DHRS4L2: variants seen among roughly 807,000 people sequenced by gnomAD.
DHRS4L2 encodes dehydrogenase/reductase 4 like 2.
In DHRS4L2, 22 loss-of-function variants were observed where a neutral mutation model predicts 23.9. That is an observed-to-expected ratio of 0.92 (90% CI 0.66 to 1.31). DHRS4L2 has a LOEUF of 1.31. DHRS4L2 is among the 40% of genes most tolerant of loss of function. DHRS4L2 has a pLI of 0.00. For missense variants in DHRS4L2, 385 were observed against 303.3 expected, an observed-to-expected ratio of 1.27 and a Z score of -2.00; for synonymous variants, 141 against 123.7, an observed-to-expected ratio of 1.14 and a Z score of -0.93.
intron 7 of DHRS4L2, 117 bp downstream of exon 7, chr14:24,004,509 C>G: frequency 7.9e-7 from 1 of 1,259,582 alleles, no homozygotes; most frequent in Non-Finnish European, 1.1e-6. Context: ...CTCTCTTCTG[C>G]CTCACAGACC....
rs749614585 is a variant in DHRS4L2, at chr14:24,001,449, G to T, written c.597G>T (p.Glu199Asp). ...GCCTCAACAATACCCTGGCCATAGAGCTGGCCCCAAGGAACATTAGGGTGA... is the reference window on the plus strand; with the variant it reads ...GCCTCAACAATACCCTGGCCATAGATCTGGCCCCAAGGAACATTAGGGTGA... ...LLGLNNTLAI[E>D]LAPRNIRVNC... The change falls in exon 6 of 8, where the codon GAG becomes GAT. Residue 199 changes from glutamate (E) to aspartate (D), a missense_variant. Coordinates refer to ENST00000335125, the MANE Select transcript of DHRS4L2 (RefSeq NM_198083.4). 8.7e-6 allele frequency: 14 copies of T among 1,606,852 alleles called. No homozygotes were observed. The highest frequency in any genetic ancestry group is 1.0e-5 in the Non-Finnish European group (12 of 1,179,264).
exon 1 of DHRS4L2, chr14:23,969,939 G>C (rs1002621028): frequency 3.1e-5 from 14 of 452,304 alleles, no homozygotes; most frequent in Admixed American, 2.8e-4. Context: ...GTGGGGGGAG[G>C]GGCGCTCACG....
chr14:23,974,727 T>A (rs2033933511), intron 1 of DHRS4L2, among the ~76,000 whole-genome samples: 1 of 151,904 alleles, frequency 6.6e-6, no homozygotes, highest in South Asian at 2.1e-4. Flanking sequence ...AATAGACCAA[T>A]AACAGCTTCT....
chr14:23,985,463 A>G (rs768992196), upstream of DHRS4L2, among the ~76,000 whole-genome samples: 2 of 151,530 alleles, frequency 1.3e-5, no homozygotes, highest in Non-Finnish European at 2.9e-5. Context: ...GCATGACTCA[A>G]CAGTGAATCT....
intron 1 of DHRS4L2, among the ~76,000 whole-genome samples, chr14:23,983,639 C>T (rs1232885195): frequency 2.6e-5 from 4 of 151,690 alleles, no homozygotes; most frequent in Admixed American, 2.0e-4. Context: ...CCCAAATGCC[C>T]ATCAATGATA....
intron 1 of DHRS4L2, among the ~76,000 whole-genome samples, chr14:23,974,555 C>G (rs1185339929): frequency 3.3e-5 from 5 of 151,628 alleles, no homozygotes; most frequent in East Asian, 1.9e-4. Flanking sequence ...AATAAAAAAT[C>G]ATAAAGGGGA....
At chr14:23,984,276 T>C (rs1364480118), upstream of DHRS4L2, among the ~76,000 whole-genome samples, 1 of 151,700 alleles carries the variant, frequency 6.6e-6, no homozygotes, top group African/African-American at 2.4e-5. Flanking sequence ...TCACATAACT[T>C]TCTTTCCCTT....
At chr14:23,999,147 G>A (rs1159271032) in intron 3 of DHRS4L2, among the ~76,000 whole-genome samples, 1 of 144,690 alleles carries the variant, frequency 6.9e-6, no homozygotes, top group Non-Finnish European at 1.5e-5. Flanking sequence ...TTCTGGGTGT[G>A]GTTTGTGGTA....
rs61729875 is a variant in DHRS4L2 at position 23,990,266 on chromosome 14, G to T, written c.213G>T (p.Gln71His). ...VSSRKQQNVD[Q>H]AVATLQGEGL... ...GCCGGAAGCAGCAGAATGTGGACCA[G>T]GCGGTGGCCACGCTGCAGGGGGAGG... The change falls in exon 2 of 8, where the codon CAG becomes CAT. Residue 71 changes from glutamine to histidine, a missense_variant. Coordinates refer to ENST00000335125, the MANE Select transcript of DHRS4L2 (RefSeq NM_198083.4). 4,756 of 1,612,732 alleles carry T rather than the reference G, an allele frequency of 2.9e-3. 185 individuals are homozygous for T. The African/African-American group carries it at 0.057, about 19-fold the overall frequency.
chr14:23,993,746 G>A (rs1306174925), intron 2 of DHRS4L2, among the ~76,000 whole-genome samples: 1 of 151,708 alleles, frequency 6.6e-6, no homozygotes, highest in Non-Finnish European at 1.5e-5. Flanking sequence ...TCAAAAGAGA[G>A]AGACAGAGAC....
intron 2 of DHRS4L2, 26 bp from the exon 3 acceptor site, chr14:23,995,006 G>T (rs760993500): frequency 3.1e-6 from 5 of 1,611,708 alleles, no homozygotes; most frequent in Non-Finnish European, 4.2e-6. Flanking sequence ...CTGCAGCCCT[G>T]GTCCAGACCT....
At position 23,989,026 on chromosome 14, in the gene DHRS4L2, C is replaced by T. The variant is rs151062129; in HGVS notation, c.79C>T (p.Arg27Trp). 6.2e-7 allele frequency: 1 copy of T among 1,605,082 alleles called. No homozygotes were observed. Among genetic ancestry groups the T allele is most frequent in the Non-Finnish European group, 8.5e-7 (1 of 1,175,944 alleles). ...GATGGCCAGCTCCAGGATGACCCGCCGGGACCCGCTCACAAATAAGGTGGC... is the reference window on the plus strand; with the variant it reads ...GATGGCCAGCTCCAGGATGACCCGCTGGGACCCGCTCACAAATAAGGTGGC... ...VRMASSRMTR[R>W]DPLTNKVALV... The change falls in exon 1 of 8, where the codon CGG becomes TGG. Residue 27 changes from arginine (R) to tryptophan (W), a missense_variant. Coordinates refer to ENST00000335125, the MANE Select transcript of DHRS4L2 (RefSeq NM_198083.4).
intron 1 of DHRS4L2, among the ~76,000 whole-genome samples, chr14:23,975,719 G>C (rs1459672379): frequency 2.6e-5 from 4 of 151,836 alleles, no homozygotes; most frequent in Middle Eastern, 6.8e-3. Context: ...CATGGTACCG[G>C]TACCAAAACA....
chr14:23,976,443 G>T (rs986742453), intron 1 of DHRS4L2, among the ~76,000 whole-genome samples: 1 of 151,862 alleles, frequency 6.6e-6, no homozygotes, highest in Non-Finnish European at 1.5e-5. Context: ...ACATTAAAAA[G>T]TCAGGAAACA....
chr14:23,970,727 A>C (rs1195325298), intron 1 of DHRS4L2, among the ~76,000 whole-genome samples: 3 of 152,016 alleles, frequency 2.0e-5, no homozygotes, highest in Non-Finnish European at 4.4e-5. Flanking sequence ...AGGGGCGGAG[A>C]GACACCTCAT....
intron 3 of DHRS4L2, 85 bp downstream of exon 3, chr14:23,995,218 A>C (rs2034356716): frequency 1.2e-5 from 18 of 1,496,764 alleles, no homozygotes; most frequent in Non-Finnish European, 1.6e-5. Context: ...GCATTTCTCA[A>C]GGGCAGTGTA....
At chr14:23,990,896 G>C (rs2034255539) in intron 2 of DHRS4L2, 1 of 784,284 alleles carries the variant, frequency 1.3e-6, no homozygotes, top group African/African-American at 1.9e-5. Context: ...CAGCCAGTAA[G>C]GAAAGACCCA....
At chr14:23,996,741 A>G (rs2034391054) in intron 3 of DHRS4L2, among the ~76,000 whole-genome samples, 1 of 149,704 alleles carries the variant, frequency 6.7e-6, no homozygotes, top group African/African-American at 2.5e-5. Flanking sequence ...CCCAGGTTCA[A>G]GCGATTCTTG....
intron 1 of DHRS4L2, among the ~76,000 whole-genome samples, chr14:23,973,560 A>G (rs1378480775): frequency 6.6e-6 from 1 of 151,964 alleles, no homozygotes; most frequent in Non-Finnish European, 1.5e-5. Context: ...AGGAAGATCT[A>G]CAAAACAAAT....
Sources: allele counts gnomAD v4.1 joint callset (sites outside exome capture counted in the v4.1 genomes callset), GRCh38; gene constraint gnomAD v4.1.1; transcripts MANE v1.5; gene names NCBI Gene and HGNC (gene_info 2026-07-23, HGNC 2026-07-21).